Variants in MCU observed in about 807,000 individuals in gnomAD.
MCU encodes the protein mitochondrial calcium uniporter.
MCU carries 12 observed loss-of-function variants against 45.2 expected under a neutral mutation model. The observed-to-expected ratio is 0.27, with a 90% CI of 0.17 to 0.43. MCU has a LOEUF of 0.43. Ranked by LOEUF, MCU falls within the 20% of genes least tolerant of loss-of-function variation. The pLI, the probability that MCU is intolerant of heterozygous loss-of-function variation, is 1.00. For synonymous variants in MCU, 160 were observed against 165.1 expected (o/e 0.97, Z 0.24); for missense variants, 324 against 436.7 (o/e 0.74, Z 2.30).
chr10:72,776,913 A>G (rs941875991), intron 1 of MCU, among the ~76,000 whole-genome samples: 2 of 152,226 alleles, frequency 1.3e-5, no homozygotes, highest in African/African-American at 4.8e-5. Context: ...GCATTTATAT[A>G]TGTTAACAGC....
chr10:72,729,905 T>C (rs1214751801), intron 1 of MCU, among the ~76,000 whole-genome samples: 2 of 151,356 alleles, frequency 1.3e-5, no homozygotes, highest in South Asian at 2.1e-4. Context: ...AAATATCACC[T>C]GTGCTTGAGA....
chr10:72,780,256 T>C (rs1317593534), intron 1 of MCU, among the ~76,000 whole-genome samples: 1 of 152,096 alleles, frequency 6.6e-6, no homozygotes, highest in Non-Finnish European at 1.5e-5. Flanking sequence ...TGCCAGGGCC[T>C]GGGTAGAGGA....
intron 1 of MCU, among the ~76,000 whole-genome samples, chr10:72,740,789 G>T (rs1843317671): frequency 6.6e-6 from 1 of 152,234 alleles, no homozygotes; most frequent in African/African-American, 2.4e-5. Context: ...CTGTGTCTCA[G>T]TGAGCTCTCA....
intron 1 of MCU, among the ~76,000 whole-genome samples, chr10:72,700,144 C>T (rs1481371078): frequency 6.6e-6 from 1 of 150,708 alleles, no homozygotes; most frequent in East Asian, 2.0e-4. Flanking sequence ...ACTACAGCCT[C>T]TGCCCCCAGA....
At chr10:72,867,711 C>T (rs896047078) in intron 4 of MCU, among the ~76,000 whole-genome samples, 9 of 151,800 alleles carry the variant, frequency 5.9e-5, no homozygotes, top group African/African-American at 9.7e-5. Context: ...AAAAATTAGC[C>T]GGGCATGGTG....
At chr10:72,782,410 A>G (rs1021319424) in intron 1 of MCU, among the ~76,000 whole-genome samples, 1 of 152,034 alleles carries the variant, frequency 6.6e-6, no homozygotes, top group African/African-American at 2.4e-5. Flanking sequence ...TGCTCTTGTC[A>G]CCTGGGCTGG....
intron 2 of MCU, among the ~76,000 whole-genome samples, chr10:72,850,851 TA>T (rs1430242608): frequency 6.6e-6 from 1 of 152,236 alleles, no homozygotes; most frequent in Non-Finnish European, 1.5e-5. Context: ...AGCAAAAGAT[TA>T]AAAAATTCAA....
intron 1 of MCU, among the ~76,000 whole-genome samples, chr10:72,787,275 C>T (rs7081970): frequency 0.66 from 100,442 of 152,066 alleles, 35,071 homozygotes; most frequent in African/African-American, 0.82. Context: ...GTTTTTGTTT[C>T]GTTTGTTTTT....
At chr10:72,728,454 GAGA>G (rs1843128268) in intron 1 of MCU, among the ~76,000 whole-genome samples, 1 of 152,218 alleles carries the variant, frequency 6.6e-6, no homozygotes, top group East Asian at 1.9e-4. Context: ...TGAGTAGTCA[GAGA>G]AGATTTCTCT....
At chr10:72,796,014 T>C (rs1340509022) in intron 1 of MCU, among the ~76,000 whole-genome samples, 1 of 151,556 alleles carries the variant, frequency 6.6e-6, no homozygotes, top group Non-Finnish European at 1.5e-5. Flanking sequence ...AAAAAAAATA[T>C]GCCACTCTGT....
At chr10:72,751,009 TA>T (rs1336280074) in intron 1 of MCU, among the ~76,000 whole-genome samples, 2 of 152,300 alleles carry the variant, frequency 1.3e-5, no homozygotes, top group Middle Eastern at 3.4e-3. Context: ...TTTTTTATTT[TA>T]TTTTTTTGGA....
intron 1 of MCU, among the ~76,000 whole-genome samples, chr10:72,735,740 C>T (rs1843244357): frequency 6.6e-6 from 1 of 152,132 alleles, no homozygotes. Context: ...GCTGGATGAA[C>T]ACTTGGCAGG....
intron 2 of MCU, among the ~76,000 whole-genome samples, chr10:72,856,992 G>C (rs1420228520): frequency 1.3e-5 from 2 of 150,716 alleles, no homozygotes; most frequent in Non-Finnish European, 2.9e-5. Context: ...GGTTGCTCAG[G>C]CTGGAGTGCA....
chr10:72,763,425 A>T (rs1843682632), intron 1 of MCU, among the ~76,000 whole-genome samples: 1 of 152,208 alleles, frequency 6.6e-6, no homozygotes, highest in Non-Finnish European at 1.5e-5. Flanking sequence ...CTGGGTGTCA[A>T]ATGAGTGAGG....
intron 1 of MCU, among the ~76,000 whole-genome samples, chr10:72,709,000 A>G (rs573637180): frequency 1.3e-5 from 2 of 151,658 alleles, no homozygotes; most frequent in African/African-American, 4.8e-5. Flanking sequence ...AGAGTGAAAT[A>G]CCCTATCTCT....
At chr10:72,704,148 G>A (rs1325771598) in intron 1 of MCU, among the ~76,000 whole-genome samples, 2 of 152,156 alleles carry the variant, frequency 1.3e-5, no homozygotes, top group African/African-American at 2.4e-5. Flanking sequence ...AGGCCGGGTG[G>A]AAAGGATGGG....
At chr10:72,816,709 C>G (rs1375138905) in intron 1 of MCU, among the ~76,000 whole-genome samples, 3 of 152,084 alleles carry the variant, frequency 2.0e-5, no homozygotes. Flanking sequence ...GAGGCACAGG[C>G]TGCAGTGAGC....
chr10:72,865,024 G>A (rs989252111), intron 4 of MCU, among the ~76,000 whole-genome samples: 1 of 152,140 alleles, frequency 6.6e-6, no homozygotes, highest in Non-Finnish European at 1.5e-5. Context: ...GTTAAGATGT[G>A]AGTTTCCATG....
intron 1 of MCU, among the ~76,000 whole-genome samples, chr10:72,778,424 C>G (rs1206065049): frequency 2.0e-5 from 3 of 151,932 alleles, no homozygotes; most frequent in Admixed American, 2.0e-4. Context: ...TAAACCAAGC[C>G]CGGATAGAAA....
Sources: allele counts gnomAD v4.1 joint callset (sites outside exome capture counted in the v4.1 genomes callset), GRCh38; gene constraint gnomAD v4.1.1; transcripts MANE v1.5; gene names NCBI Gene and HGNC (gene_info 2026-07-23, HGNC 2026-07-21).